Variants in TTC7B observed in about 807,000 individuals in gnomAD.
TTC7B encodes tetratricopeptide repeat domain 7B.
A neutral mutation model predicts 106.8 loss-of-function variants in TTC7B; 28 were observed. That is an observed-to-expected ratio of 0.26 (90% CI 0.19 to 0.36). TTC7B has a LOEUF of 0.36. TTC7B is among the 10% of genes least tolerant of loss of function. The probability of loss-of-function intolerance (pLI) is 1.00; values close to 1 mark genes in which losing one functional copy is unlikely to be tolerated. For synonymous variants in TTC7B, 405 were observed against 430.6 expected, an observed-to-expected ratio of 0.94 and a Z score of 0.74; for missense variants, 862 against 1,076.4, an observed-to-expected ratio of 0.80 and a Z score of 2.79.
intron 17 of TTC7B, chr14:90,593,839 C>T: frequency 2.3e-6 from 1 of 433,770 alleles, no homozygotes; most frequent in Non-Finnish European, 4.0e-6. Context: ...ACAAACAGAG[C>T]ACATGCCCCC....
intron 1 of TTC7B, among the ~76,000 whole-genome samples, chr14:90,792,898 C>T (rs2140047476): frequency 1.3e-5 from 2 of 152,180 alleles, no homozygotes; most frequent in South Asian, 4.2e-4. Context: ...AATTACAAGT[C>T]GTTTGTTAGA....
rs1487786479 is a variant in TTC7B, at chr14:90,663,001, G to A, written c.1153-4614C>T. 6.6e-6 allele frequency among the ~76,000 whole-genome samples: 1 copy of A among 152,172 alleles called. No homozygotes were observed. Among genetic ancestry groups the A allele is most frequent in the Non-Finnish European group, 1.5e-5 (1 of 68,034 alleles). On this transcript the variant is annotated intron_variant, in intron 9 of 19. Transcript: ENST00000328459. This position sits in a 1 kb window ranked among gnomAD's most constrained non-coding sequence, Gnocchi z 4.5. The stretch of plus-strand genomic sequence containing the variant: ...ATTCAATCTGAGACCCTTGAGAAGA[G>A]GGCACAACTTTACAGAACTGGACCG...
Position 90,786,213 on chromosome 14 carries a change from G to A in TTC7B, c.237C>T (p.Arg79=), listed in dbSNP as rs747393328. 21 of 1,599,546 alleles carry A rather than the reference G, an allele frequency of 1.3e-5. No homozygotes were observed. The South Asian group carries it at 2.4e-4, about 18-fold the overall frequency. The change falls in exon 2 of 20, where the codon CGC becomes CGT. Residue 79 remains arginine (R), a synonymous_variant. Transcript: ENST00000328459. The stretch of plus-strand genomic sequence containing the variant: ...GGTCCAGGGCGGCGGTCAGATGCTT[G>A]CGGACCTCAGTCAGCTGGGGCTTGG... The part of the protein sequence containing the change: ...RGPKPQLTEV[R]KHLTAALDRG...
chr14:90,607,639 G>A (rs945679287), intron 17 of TTC7B, among the ~76,000 whole-genome samples: 1 of 152,224 alleles, frequency 6.6e-6, no homozygotes, highest in African/African-American at 2.4e-5. Flanking sequence ...ACTGAAAACT[G>A]TTCAAAGGCA....
chr14:90,592,425 C>A lies in TTC7B; in HGVS notation c.2107+1061G>T, dbSNP rs551198125. Reference sequence around the variant, plus strand: ...GATTCTCGTTATTAAAATGCCTGCACAGGCCAGGCGCGGTGGCTCACGCCT... The same window carrying A: ...GATTCTCGTTATTAAAATGCCTGCAAAGGCCAGGCGCGGTGGCTCACGCCT... On this transcript the variant is annotated intron_variant, in intron 18 of 19. Transcript: ENST00000328459. Among the ~76,000 whole-genome samples the A allele has an allele frequency of 3.9e-5, 6 of 152,286 alleles. 1 individual carries two copies. Among genetic ancestry groups the A allele is most frequent in the African/African-American group, 1.2e-4 (5 of 41,560 alleles).
intron 14 of TTC7B, 45 bp from the exon 15 acceptor site, chr14:90,644,253 A>G (rs1053829436): frequency 3.6e-6 from 5 of 1,378,232 alleles, no homozygotes; most frequent in African/African-American, 2.1e-5. Context: ...ACACACATGC[A>G]CACGCACACA....
chr14:90,668,169 C>A (rs1445297685), intron 9 of TTC7B, among the ~76,000 whole-genome samples: 1 of 151,490 alleles, frequency 6.6e-6, no homozygotes, highest in Non-Finnish European at 1.5e-5. Flanking sequence ...GCTGGACTTG[C>A]CCTACTGCTC....
At chr14:90,741,274 C>G (rs544864484) in intron 4 of TTC7B, among the ~76,000 whole-genome samples, 1 of 152,340 alleles carries the variant, frequency 6.6e-6, no homozygotes, top group South Asian at 2.1e-4. Flanking sequence ...TAGAGAAACT[C>G]AGAGAACGGC....
At chr14:90,752,811 T>A (rs937680504) in intron 3 of TTC7B, among the ~76,000 whole-genome samples, 2 of 152,212 alleles carry the variant, frequency 1.3e-5, no homozygotes, top group Non-Finnish European at 2.9e-5. Flanking sequence ...TTGCTCACAA[T>A]CTCCTGTCTC....
At chr14:90,677,971 C>T in intron 8 of TTC7B, 1 of 349,658 alleles carries the variant, frequency 2.9e-6, no homozygotes, top group East Asian at 8.0e-5. Flanking sequence ...CCTCTTGAGC[C>T]CAAAAAAAGC....
chr14:90,602,389 A>G (rs894612759), intron 17 of TTC7B, among the ~76,000 whole-genome samples: 1 of 152,222 alleles, frequency 6.6e-6, no homozygotes, highest in African/African-American at 2.4e-5. Context: ...ACAAGTCACT[A>G]ATGACTTAAA....
In TTC7B at chr14:90,624,568, G is replaced by C. The variant is rs1884357923; in HGVS notation, c.1752-6523C>G. Among the ~76,000 whole-genome samples the C allele has an allele frequency of 6.6e-6, 1 of 152,196 alleles. No homozygotes were observed. Among genetic ancestry groups the C allele is most frequent in the Non-Finnish European group, 1.5e-5 (1 of 68,032 alleles). ...CCCAGTGAGTCCCAGACTTGGGCAG[G>C]GGCCAAAGATAGAGTGAAAAGGGCA... On this transcript the variant is annotated intron_variant, in intron 15 of 19. Coordinates refer to ENST00000328459, the MANE Select transcript of TTC7B (RefSeq NM_001010854.2). This position sits in a 1 kb window ranked among gnomAD's most constrained non-coding sequence, Gnocchi z 4.0.
intron 15 of TTC7B, among the ~76,000 whole-genome samples, chr14:90,636,120 CAAA>C (rs779277935): frequency 1.0e-5 from 1 of 98,546 alleles, no homozygotes. Flanking sequence ...GACTCCATCT[CAAA>C]AAAAAAAAAA....
At chr14:90,629,887 G>C (rs147497634) in intron 15 of TTC7B, among the ~76,000 whole-genome samples, 1,785 of 152,260 alleles carry the variant, frequency 0.012, 19 homozygotes, top group South Asian at 0.024. Flanking sequence ...CTGAAGGCTG[G>C]TTCTCCAGCA....
At chr14:90,768,288 G>T (rs1890752420) in intron 3 of TTC7B, among the ~76,000 whole-genome samples, 1 of 152,130 alleles carries the variant, frequency 6.6e-6, no homozygotes, top group Non-Finnish European at 1.5e-5. Flanking sequence ...CCACATAGCT[G>T]GGGAGACCTC....
chr14:90,542,987 C>G lies in TTC7B; in HGVS notation c.2311-1398G>C, dbSNP rs1440907765. Among the ~76,000 whole-genome samples, 7 of 152,350 alleles carry G rather than the reference C, an allele frequency of 4.6e-5. No homozygotes were observed. The East Asian group carries it at 1.2e-3, about 25-fold the overall frequency. ...AGTTTCTGTGGTTGGTCACCTACCC[C>G]CTTCTATCATGACTCTATTTCTGCT... On this transcript the variant is annotated intron_variant, in intron 19 of 19. Coordinates refer to ENST00000328459, the MANE Select transcript of TTC7B (RefSeq NM_001010854.2).
At position 90,814,926 on chromosome 14, in the gene TTC7B, C is replaced by T. The variant is rs139247996; in HGVS notation, c.121+1249G>A. On this transcript the variant is annotated intron_variant, in intron 1 of 19. Coordinates refer to ENST00000328459, the MANE Select transcript of TTC7B (RefSeq NM_001010854.2). ...CGTTCACCCAGAAGGTACCTGCCCA[C>T]AGCATGCATCCATCATTGAGAGTGC... Among the ~76,000 whole-genome samples, 3 of 152,340 alleles carry T rather than the reference C, an allele frequency of 2.0e-5. No homozygotes were observed. The East Asian group carries it at 5.8e-4, about 29-fold the overall frequency.
rs548475671 is a variant in TTC7B, at chr14:90,600,002, C to T, written c.1967-6376G>A. 5.2e-4 allele frequency among the ~76,000 whole-genome samples: 79 copies of T among 152,216 alleles called. No individual in the cohort carries two copies. Among genetic ancestry groups the T allele is most frequent in the African/African-American group, 1.8e-3 (76 of 41,524 alleles). On this transcript the variant is annotated intron_variant, in intron 17 of 19. Transcript: ENST00000328459. The surrounding 1 kb of genome is among the most constrained non-coding windows in gnomAD (Gnocchi z 4.3). ...TCAGTCCAACACTGCAGACTGCTGG[C>T]AGCTCTGTGCCCTTCTGTCTCTGTG...
chr14:90,696,638 T>C (rs2139948534), intron 5 of TTC7B, among the ~76,000 whole-genome samples: 1 of 152,298 alleles, frequency 6.6e-6, no homozygotes, highest in Non-Finnish European at 1.5e-5. Flanking sequence ...AATTCGCATC[T>C]TATACCTACA....
Sources: allele counts gnomAD v4.1 joint callset (sites outside exome capture counted in the v4.1 genomes callset), GRCh38; gene constraint gnomAD v4.1.1; non-coding constraint Gnocchi (gnomAD v3.1); transcripts MANE v1.5; gene names NCBI Gene and HGNC (gene_info 2026-07-23, HGNC 2026-07-21).